Variants in C1QTNF7 observed in about 807,000 individuals in gnomAD.
C1QTNF7 encodes the protein C1q and TNF related 7.
A neutral mutation model predicts 19.6 loss-of-function variants in C1QTNF7; 15 were observed. The ratio of observed to expected loss-of-function variants is 0.76; its 90% CI spans 0.51 to 1.18. C1QTNF7 has a LOEUF of 1.18. Ranked by LOEUF, C1QTNF7 falls within the 50% of genes most tolerant of loss-of-function variation. The pLI, the probability that C1QTNF7 is intolerant of heterozygous loss-of-function variation, is 0.00. For synonymous variants in C1QTNF7, 142 were observed against 137.5 expected (o/e 1.03, Z -0.23); for missense variants, 324 against 359.7 (o/e 0.90, Z 0.80).
At chr4:15,370,552 G>T (rs1717684560) in intron 1 of C1QTNF7, among the ~76,000 whole-genome samples, 1 of 152,166 alleles carries the variant, frequency 6.6e-6, no homozygotes, top group African/African-American at 2.4e-5. Context: ...AGTGGAAAGG[G>T]CCAGGGATGG....
intron 1 of C1QTNF7, among the ~76,000 whole-genome samples, chr4:15,385,849 G>A (rs944898843): frequency 3.9e-5 from 6 of 152,156 alleles, no homozygotes; most frequent in East Asian, 1.9e-4. Context: ...GACACACACC[G>A]AAAGTTTAAC....
In C1QTNF7 at chr4:15,444,732, T is replaced by C. The variant is rs1012237042; in HGVS notation, c.*1933T>C. On this transcript the variant is annotated 3_prime_UTR_variant, in exon 3 of 3. Transcript: ENST00000444304. Reference sequence around the variant, plus strand: ...AAATTAGGATGTGACAGAGAAGGGATAGGGAAATCCTCTCTGCTCATTGGG... The same window carrying C: ...AAATTAGGATGTGACAGAGAAGGGACAGGGAAATCCTCTCTGCTCATTGGG... The C allele has an allele frequency of 1.3e-5, 2 of 152,194 alleles. No homozygotes were observed. The highest frequency in any genetic ancestry group is 2.1e-4 in the South Asian group (1 of 4,826). The allele number at this position is 152,194 out of a possible 1,614,324, so 9.4% of individuals were successfully genotyped here.
intron 1 of C1QTNF7, among the ~76,000 whole-genome samples, chr4:15,351,625 A>T (rs1228584022): frequency 6.6e-6 from 1 of 152,190 alleles, no homozygotes; most frequent in East Asian, 1.9e-4. Context: ...GTACATCAGA[A>T]TCTCTGGGGG....
At chr4:15,350,356 G>GAGGGAAGGAGGGAGGGAGGGA (rs772401961) in intron 1 of C1QTNF7, among the ~76,000 whole-genome samples, 2 of 80,706 alleles carry the variant, frequency 2.5e-5, no homozygotes, top group Non-Finnish European at 2.3e-5. Flanking sequence ...GGGAGGGAGG[G>GAGGGAAGGAGGGAGGGAGGGA]AGGAAGGAAA....
chr4:15,442,304 A>C lies in C1QTNF7; in HGVS notation c.375A>C (p.Gly125=), dbSNP rs1401350752. The C allele has an allele frequency of 3.1e-6, 5 of 1,613,978 alleles. No homozygotes were observed. In the African/African-American group the frequency reaches 6.7e-5, roughly 22 times the overall value. Residue 125 remains glycine (G), a synonymous_variant, in exon 3 of 3, where the codon GGA becomes GGC. Coordinates refer to ENST00000444304, the MANE Select transcript of C1QTNF7 (RefSeq NM_031911.5). ...VGPIGPPGPK[G]DRGEQGDPGL... is the part of the protein sequence containing the mutation. The stretch of plus-strand genomic sequence containing the variant: ...CAATTGGTCCTCCTGGACCAAAGGG[A>C]GACAGAGGAGAACAAGGGGACCCGG...
intron 1 of C1QTNF7, among the ~76,000 whole-genome samples, chr4:15,430,682 G>A (rs572939914): frequency 4.6e-5 from 7 of 152,260 alleles, no homozygotes; most frequent in African/African-American, 1.7e-4. Context: ...TGTGACCTAC[G>A]TGATTTATTC....
intron 1 of C1QTNF7, among the ~76,000 whole-genome samples, chr4:15,415,407 G>A (rs1719565732): frequency 6.6e-6 from 1 of 152,114 alleles, no homozygotes; most frequent in Admixed American, 6.5e-5. Flanking sequence ...GATATTGTTC[G>A]TTAGATGAGT....
intron 1 of C1QTNF7, among the ~76,000 whole-genome samples, chr4:15,366,388 G>C (rs1297049969): frequency 2.0e-5 from 3 of 152,130 alleles, no homozygotes; most frequent in African/African-American, 7.2e-5. Flanking sequence ...TGTTAAGTTA[G>C]TTTACTGTTG....
At chr4:15,353,984 A>G (rs1361422044) in intron 1 of C1QTNF7, among the ~76,000 whole-genome samples, 2 of 152,134 alleles carry the variant, frequency 1.3e-5, no homozygotes, top group Admixed American at 1.3e-4. Flanking sequence ...GGAATCCACA[A>G]CTTCAGTCAA....
At chr4:15,407,546 T>C (rs915126195) in intron 1 of C1QTNF7, among the ~76,000 whole-genome samples, 6 of 152,334 alleles carry the variant, frequency 3.9e-5, no homozygotes, top group African/African-American at 1.4e-4. Flanking sequence ...TTCCTTTCAC[T>C]GTCATTCTAG....
chr4:15,391,072 G>T (rs1718539330), intron 1 of C1QTNF7, among the ~76,000 whole-genome samples: 2 of 151,964 alleles, frequency 1.3e-5, no homozygotes, highest in Admixed American at 1.3e-4. Flanking sequence ...ATTAAAGTCT[G>T]GGGGTAGATC....
At chr4:15,353,594 C>T (rs1414341413) in intron 1 of C1QTNF7, among the ~76,000 whole-genome samples, 1 of 152,068 alleles carries the variant, frequency 6.6e-6, no homozygotes, top group East Asian at 1.9e-4. Flanking sequence ...TTATAAAAGT[C>T]ATCAGAAGAA....
At chr4:15,426,194 G>C (rs1712039679), upstream of C1QTNF7, among the ~76,000 whole-genome samples, 1 of 152,184 alleles carries the variant, frequency 6.6e-6, no homozygotes, top group Admixed American at 6.5e-5. Flanking sequence ...GCCTAGGAAA[G>C]ACAAAATAAG....
chr4:15,431,815 T>C (rs1712323801), intron 1 of C1QTNF7, among the ~76,000 whole-genome samples: 1 of 152,316 alleles, frequency 6.6e-6, no homozygotes, highest in South Asian at 2.1e-4. Flanking sequence ...GTAGCTTACA[T>C]TCTATCAGGA....
intron 1 of C1QTNF7, among the ~76,000 whole-genome samples, chr4:15,414,549 GAGA>G (rs1195624750): frequency 6.6e-6 from 1 of 151,746 alleles, no homozygotes; most frequent in Non-Finnish European, 1.5e-5. Context: ...GTGACAAAAA[GAGA>G]GTTCTGCCTG....
At chr4:15,406,559 C>T (rs777446428) in intron 1 of C1QTNF7, among the ~76,000 whole-genome samples, 4 of 152,200 alleles carry the variant, frequency 2.6e-5, no homozygotes, top group South Asian at 2.1e-4. Context: ...ATGCTGCCAG[C>T]GTCAAACTTC....
chr4:15,340,882 CAT>C (rs1236675523), intron 1 of C1QTNF7, among the ~76,000 whole-genome samples: 5 of 152,180 alleles, frequency 3.3e-5, no homozygotes, highest in African/African-American at 9.7e-5. Flanking sequence ...GATTGTGCCT[CAT>C]ACACAGGTAG....
chr4:15,401,061 G>T (rs1477785831), intron 1 of C1QTNF7, among the ~76,000 whole-genome samples: 1 of 152,204 alleles, frequency 6.6e-6, no homozygotes, highest in Non-Finnish European at 1.5e-5. Context: ...GGAAATACTA[G>T]CGGGCGCACC....
At chr4:15,371,983 G>A (rs1717752435) in intron 1 of C1QTNF7, among the ~76,000 whole-genome samples, 1 of 152,182 alleles carries the variant, frequency 6.6e-6, no homozygotes, top group African/African-American at 2.4e-5. Context: ...AGGAGGTGGA[G>A]GCAGAATGTG....
Sources: gnomAD v4.1 joint callset for allele counts (sites outside exome capture counted in the v4.1 genomes callset) on GRCh38, gnomAD v4.1.1 for gene constraint, MANE v1.5 for transcripts, NCBI Gene and HGNC (gene_info 2026-07-23, HGNC 2026-07-21) for gene names.